Variants in WDR27 observed in about 807,000 individuals in gnomAD.
WDR27 encodes WD repeat-containing protein 27.
Under a neutral mutation model 114.4 loss-of-function variants are expected in WDR27, and 100 were observed. That is an observed-to-expected ratio of 0.87 (90% CI 0.74 to 1.03). The LOEUF is 1.03. WDR27 is among the 50% of genes least tolerant of loss of function. The pLI is 0.00. For synonymous variants in WDR27, 449 were observed against 423.1 expected (o/e 1.06, Z -0.75); for missense variants, 1,129 against 1,092.9 (o/e 1.03, Z -0.47).
chr6:169,456,220 C>G (rs956878603), downstream of WDR27, among the ~76,000 whole-genome samples: 4 of 152,128 alleles, frequency 2.6e-5, no homozygotes, highest in Admixed American at 6.5e-5. The surrounding 1 kb of genome is among the most constrained non-coding windows in gnomAD (Gnocchi z 4.0). Context: ...TAAACTTTTG[C>G]TTCTCAAAAA....
intron 25 of WDR27, among the ~76,000 whole-genome samples, chr6:169,466,129 T>G (rs1785552057): frequency 6.6e-6 from 1 of 152,232 alleles, no homozygotes; most frequent in African/African-American, 2.4e-5. Context: ...AACATGGGTC[T>G]CTTGCCCCGT....
chr6:169,636,958 G>A (rs189025143), intron 18 of WDR27, among the ~76,000 whole-genome samples: 87 of 152,280 alleles, frequency 5.7e-4, no homozygotes, highest in African/African-American at 2.0e-3. Flanking sequence ...GAGGCCCTAG[G>A]TCTTCTTTAA....
intron 25 of WDR27, among the ~76,000 whole-genome samples, chr6:169,499,109 G>A (rs540512829): frequency 2.6e-5 from 4 of 152,324 alleles, no homozygotes; most frequent in East Asian, 1.9e-4. Context: ...GTTGCTAAGC[G>A]GAAACAGACG....
At chr6:169,640,421 A>C (rs1818867473) in intron 17 of WDR27, among the ~76,000 whole-genome samples, 1 of 152,026 alleles carries the variant, frequency 6.6e-6, no homozygotes, top group African/African-American at 2.4e-5. Flanking sequence ...GCGCAGAAAA[A>C]CGTGAAATAG....
chr6:169,490,545 G>A (rs559996443), intron 25 of WDR27, among the ~76,000 whole-genome samples: 2 of 152,308 alleles, frequency 1.3e-5, no homozygotes, highest in African/African-American at 4.8e-5. Context: ...AACCTGCCAA[G>A]GTCCGATATC....
At chr6:169,609,353 C>A (rs940437491) in intron 22 of WDR27, among the ~76,000 whole-genome samples, 2 of 152,192 alleles carry the variant, frequency 1.3e-5, no homozygotes, top group African/African-American at 4.8e-5. Context: ...GGGAGCCCCA[C>A]CCCTACAGAA....
intron 19 of WDR27, among the ~76,000 whole-genome samples, chr6:169,634,796 T>C (rs1403960409): frequency 1.3e-5 from 2 of 152,200 alleles, no homozygotes; most frequent in East Asian, 1.9e-4. Context: ...TGTAATCAAA[T>C]GCACCAGCCT....
intron 23 of WDR27, among the ~76,000 whole-genome samples, chr6:169,587,794 C>T (rs1295551760): frequency 1.3e-5 from 2 of 152,248 alleles, no homozygotes; most frequent in Non-Finnish European, 2.9e-5. Flanking sequence ...GCAAGGTTTT[C>T]GTGCCTGCTG....
At chr6:169,654,108 A>G (rs576964475) in intron 13 of WDR27, among the ~76,000 whole-genome samples, 4 of 152,372 alleles carry the variant, frequency 2.6e-5, no homozygotes, top group Admixed American at 2.6e-4. Flanking sequence ...CTAAAGGCCC[A>G]CTTCTCTAAT....
chr6:169,640,784 T>G (rs1818955362), intron 17 of WDR27, among the ~76,000 whole-genome samples: 1 of 151,798 alleles, frequency 6.6e-6, no homozygotes, highest in Non-Finnish European at 1.5e-5. Context: ...TGTGGCGCAC[T>G]GTCTTCCAAT....
rs3029697 is a variant in WDR27 at position 169,586,847 on chromosome 6, C to CAAAAAA, written c.2425-3919_2425-3914dup. On this transcript the variant is annotated intron_variant, in intron 23 of 25. Transcript: ENST00000448612. ...CTGGCGACACAGCTAGACTCTGTCT[C>CAAAAAA]AAAAAAAAAAAAAAAAAAAAAAAAA... Among the ~76,000 whole-genome samples the CAAAAAA allele has an allele frequency of 5.9e-3, 189 of 32,054 alleles. 46 individuals are homozygous for CAAAAAA. Among genetic ancestry groups the CAAAAAA allele is most frequent in the African/African-American group, 0.022 (183 of 8,198 alleles). 21.0% of individuals were successfully genotyped at this position (32,054 alleles called of 152,430 possible). A position where few individuals can be genotyped will look rare whatever the true frequency, so the allele number is the denominator to read the frequency against.
At chr6:169,501,443 C>T (rs1336366222) in intron 25 of WDR27, among the ~76,000 whole-genome samples, 6 of 152,210 alleles carry the variant, frequency 3.9e-5, no homozygotes, top group Non-Finnish European at 8.8e-5. Context: ...ACAGAGAGAA[C>T]TAGGCTCCTT....
At chr6:169,696,128 C>G (rs536311172) in intron 1 of WDR27, among the ~76,000 whole-genome samples, 1 of 152,228 alleles carries the variant, frequency 6.6e-6, no homozygotes, top group African/African-American at 2.4e-5. Flanking sequence ...GCAGAATTAA[C>G]AAACGAATAC....
chr6:169,585,886 C>T (rs546081688), intron 23 of WDR27, among the ~76,000 whole-genome samples: 12 of 152,208 alleles, frequency 7.9e-5, no homozygotes, highest in African/African-American at 2.4e-4. Context: ...TACAGAAATA[C>T]GTCGTATTTT....
At chr6:169,594,043 TA>T (rs1806297836) in intron 23 of WDR27, among the ~76,000 whole-genome samples, 1 of 152,208 alleles carries the variant, frequency 6.6e-6, no homozygotes, top group East Asian at 1.9e-4. Flanking sequence ...TTTTCCCTTT[TA>T]AAAACGTCTG....
At chr6:169,456,849 G>T (rs1402263004), downstream of WDR27, among the ~76,000 whole-genome samples, 4 of 149,368 alleles carry the variant, frequency 2.7e-5, no homozygotes, top group South Asian at 8.6e-4. This position sits in a 1 kb window ranked among gnomAD's most constrained non-coding sequence, Gnocchi z 4.0. Flanking sequence ...CACAGCCCAT[G>T]CTCACGACAC....
At chr6:169,481,198 GA>G (rs1379260915) in intron 25 of WDR27, among the ~76,000 whole-genome samples, 2 of 151,738 alleles carry the variant, frequency 1.3e-5, no homozygotes, top group Non-Finnish European at 2.9e-5. Flanking sequence ...TGGGGACTTG[GA>G]AAACTTTTAT....
intron 23 of WDR27, among the ~76,000 whole-genome samples, chr6:169,586,864 A>AAAAAAAAAAAAG (rs1215693469): frequency 1.3e-5 from 2 of 148,210 alleles, no homozygotes; most frequent in African/African-American, 4.9e-5. Context: ...AAAAAAAAAA[A>AAAAAAAAAAAAG]AAAAAAAAAA....
At chr6:169,459,844 G>C (rs1173325725) in intron 25 of WDR27, among the ~76,000 whole-genome samples, 1 of 152,006 alleles carries the variant, frequency 6.6e-6, no homozygotes, top group Non-Finnish European at 1.5e-5. Flanking sequence ...TCTCAACCAA[G>C]AATCTTATAC....
Sources: gnomAD v4.1 joint callset for allele counts (sites outside exome capture counted in the v4.1 genomes callset) on GRCh38, gnomAD v4.1.1 for gene constraint, Gnocchi (gnomAD v3.1) non-coding constraint, MANE v1.5 for transcripts, NCBI Gene and HGNC (gene_info 2026-07-23, HGNC 2026-07-21) for gene names.